The following ANXA13 variants were observed in gnomAD, a reference collection of about 807,000 sequenced individuals.
ANXA13 encodes the protein annexin XIII.
ANXA13 carries 36 observed loss-of-function variants against 46.6 expected under a neutral mutation model. The observed-to-expected ratio is 0.77, with a 90% CI of 0.59 to 1.02. ANXA13 has a LOEUF of 1.02. Among genes scored for constraint, ANXA13 ranks in the 50% least tolerant of loss-of-function variants. The probability of loss-of-function intolerance (pLI) is 0.00; values close to 1 mark genes in which losing one functional copy is unlikely to be tolerated. For missense variants in ANXA13, 417 were observed against 396.5 expected, an observed-to-expected ratio of 1.05 and a Z score of -0.44; for synonymous variants, 163 against 152.9, an observed-to-expected ratio of 1.07 and a Z score of -0.49.
At chr8:123,695,905 C>T (rs909541607) in intron 4 of ANXA13, among the ~76,000 whole-genome samples, 184 bp from the exon 5 acceptor site, 7 of 130,424 alleles carry the variant, frequency 5.4e-5, no homozygotes, top group East Asian at 2.6e-4. Flanking sequence ...TGTGACGGCC[C>T]GCCCCCCCCC....
intron 2 of ANXA13, among the ~76,000 whole-genome samples, chr8:123,705,530 T>C (rs747748424): frequency 2.0e-5 from 3 of 152,172 alleles, no homozygotes; most frequent in Non-Finnish European, 4.4e-5. Flanking sequence ...ACTATTTACA[T>C]GTATGTTTCT....
At chr8:123,681,494 C>T (rs1813036889) in intron 10 of ANXA13, 135 bp from the exon 11 acceptor site, 2 of 818,476 alleles carry the variant, frequency 2.4e-6, no homozygotes, top group Non-Finnish European at 3.7e-6. Context: ...GCTTTATTTC[C>T]TATCATTATT....
At chr8:123,689,709 C>A (rs1332251337) in intron 8 of ANXA13, among the ~76,000 whole-genome samples, 1 of 152,168 alleles carries the variant, frequency 6.6e-6, no homozygotes, top group East Asian at 1.9e-4. Flanking sequence ...AACACAAATA[C>A]TGCCCGGGCC....
At chr8:123,729,742 AATT>A (rs1419143673) in intron 1 of ANXA13, among the ~76,000 whole-genome samples, 1 of 152,182 alleles carries the variant, frequency 6.6e-6, no homozygotes, top group Non-Finnish European at 1.5e-5. Context: ...GAATCAGCTT[AATT>A]CAGAGCTCCT....
chr8:123,684,346 G>A (rs150504158), intron 10 of ANXA13, among the ~76,000 whole-genome samples: 107 of 152,244 alleles, frequency 7.0e-4, no homozygotes, highest in African/African-American at 2.4e-3. Flanking sequence ...AGAACTGCTC[G>A]ACATGGTTGC....
rs1813732204 is a variant in ANXA13, at chr8:123,714,829, T to TTATG, written c.16-2080_16-2077dup. 5.3e-5 allele frequency among the ~76,000 whole-genome samples: 8 copies of TTATG among 152,300 alleles called. No homozygotes were observed. In the South Asian group the frequency reaches 1.7e-3, roughly 32 times the overall value. On this transcript the variant is annotated intron_variant, in intron 1 of 10. Transcript: ENST00000419625. ...CAGGCAGTTTATAGACCTTTCTTCA[T>TTATG]TATGCATAGGGAAGAGTGGGCATTA...
chr8:123,698,335 C>T, intron 4 of ANXA13, 54 bp downstream of exon 4: 1 of 1,585,062 alleles, frequency 6.3e-7, no homozygotes, highest in Non-Finnish European at 8.6e-7. Context: ...TGGGGGGCTG[C>T]AACCATCTCT....
chr8:123,696,737 A>C (rs1813345973), intron 4 of ANXA13, among the ~76,000 whole-genome samples: 1 of 152,102 alleles, frequency 6.6e-6, no homozygotes, highest in South Asian at 2.1e-4. Context: ...TTCTCCTTCC[A>C]ACCCGCAACC....
intron 1 of ANXA13, among the ~76,000 whole-genome samples, chr8:123,720,198 A>G (rs1813835575): frequency 6.6e-6 from 1 of 152,192 alleles, no homozygotes; most frequent in Admixed American, 6.5e-5. Context: ...GGGAAGAGCC[A>G]GGGAGCAGAG....
rs200499043 is a variant in ANXA13 at position 123,737,308 on chromosome 8, A to G, written c.15+12T>C. 31 of 1,608,374 alleles carry G rather than the reference A, an allele frequency of 1.9e-5. No individual in the cohort carries two copies. The highest frequency in any genetic ancestry group is 1.0e-5 in the Non-Finnish European group (12 of 1,177,040). The stretch of plus-strand genomic sequence containing the variant: ...AAATTAAAACCAATTCCCAAAGGCA[A>G]TGAGTACTTACATGACGATTGCCCA... On this transcript the variant is annotated intron_variant, in intron 1 of 10. Coordinates refer to ENST00000419625, the MANE Select transcript of ANXA13 (RefSeq NM_004306.4).
At chr8:123,691,509 G>A (rs117298005) in intron 8 of ANXA13, among the ~76,000 whole-genome samples, 3,716 of 152,236 alleles carry the variant, frequency 0.024, 58 homozygotes, top group Non-Finnish European at 0.034. Flanking sequence ...TTCATTGAAC[G>A]CCTACTGCAT....
At chr8:123,731,198 A>G (rs1814110866) in intron 1 of ANXA13, among the ~76,000 whole-genome samples, 1 of 152,142 alleles carries the variant, frequency 6.6e-6, no homozygotes, top group East Asian at 1.9e-4. Context: ...AAGATCCTGG[A>G]TTATACCAAT....
intron 1 of ANXA13, among the ~76,000 whole-genome samples, chr8:123,730,378 T>A (rs1248790371): frequency 6.6e-6 from 1 of 152,224 alleles, no homozygotes; most frequent in Non-Finnish European, 1.5e-5. Context: ...GGCTCCACCT[T>A]AGATTTACTG....
chr8:123,707,419 A>G (rs2116362), intron 2 of ANXA13, among the ~76,000 whole-genome samples: 31,250 of 152,082 alleles, frequency 0.21, 4,178 homozygotes, highest in South Asian at 0.43. Context: ...CTTTTTGGGA[A>G]TGCTTTAAAA....
intron 10 of ANXA13, 148 bp downstream of exon 10, chr8:123,684,462 G>T: frequency 1.6e-6 from 1 of 617,952 alleles, no homozygotes. Flanking sequence ...AGAGCACAAT[G>T]TCTTCTGCAA....
intron 1 of ANXA13, among the ~76,000 whole-genome samples, chr8:123,724,658 C>T (rs572765686): frequency 6.6e-6 from 1 of 152,268 alleles, no homozygotes; most frequent in Admixed American, 6.5e-5. Context: ...CCAGGTTTTT[C>T]CAAATGGGTG....
chr8:123,688,852 T>A lies in ANXA13; in HGVS notation c.718+19A>T. On this transcript the variant is annotated intron_variant, in intron 9 of 10. Coordinates refer to ENST00000419625, the MANE Select transcript of ANXA13 (RefSeq NM_004306.4). Reference sequence around the variant, plus strand: ...AGGCAGCCCAACCTAAGACAGGAGCTCTCCTAACTTTACTTTACCGAGAGT... The same window carrying A: ...AGGCAGCCCAACCTAAGACAGGAGCACTCCTAACTTTACTTTACCGAGAGT... 2 of 1,611,330 alleles carry A rather than the reference T, an allele frequency of 1.2e-6. No homozygotes were observed. The highest frequency in any genetic ancestry group is 1.7e-6 in the Non-Finnish European group (2 of 1,177,672).
chr8:123,698,695 T>G (rs1813391082), intron 3 of ANXA13, 136 bp from the exon 4 acceptor site: 2 of 899,098 alleles, frequency 2.2e-6, no homozygotes, highest in East Asian at 5.2e-5. Flanking sequence ...TGCAACCTGC[T>G]GAGAACATGC....
chr8:123,719,063 T>C (rs1813810990), intron 1 of ANXA13, among the ~76,000 whole-genome samples: 1 of 152,220 alleles, frequency 6.6e-6, no homozygotes, highest in African/African-American at 2.4e-5. Context: ...ATGGAATGTG[T>C]GAAGGAGTTT....
Sources: allele counts gnomAD v4.1 joint callset (sites outside exome capture counted in the v4.1 genomes callset), GRCh38; gene constraint gnomAD v4.1.1; transcripts MANE v1.5; gene names NCBI Gene and HGNC (gene_info 2026-07-23, HGNC 2026-07-21).